PHTF2: variants seen among roughly 807,000 people sequenced by gnomAD.
PHTF2 encodes the protein protein PHTF2.
A neutral mutation model predicts 101.2 loss-of-function variants in PHTF2; 60 were observed. The ratio of observed to expected loss-of-function variants is 0.59; its 90% CI spans 0.48 to 0.73. PHTF2 has a LOEUF of 0.73. PHTF2 is among the 30% of genes least tolerant of loss of function. The pLI is 0.00. For missense variants in PHTF2, 747 were observed against 908.7 expected, an observed-to-expected ratio of 0.82 and a Z score of 2.29; for synonymous variants, 311 against 307.3, an observed-to-expected ratio of 1.01 and a Z score of -0.13.
At chr7:77,936,730 A>G (rs1805174701) in intron 12 of PHTF2, among the ~76,000 whole-genome samples, 1 of 129,466 alleles carries the variant, frequency 7.7e-6, no homozygotes, top group African/African-American at 3.4e-5. Flanking sequence ...AAATACTGCA[A>G]TATAAACAAG....
chr7:77,907,763 G>A (rs984929494), intron 7 of PHTF2: 1 of 152,146 alleles, frequency 6.6e-6, no homozygotes, highest in African/African-American at 2.4e-5. Context: ...ATCAATATAT[G>A]TCTCTTCAAA....
rs537285969 is a variant in PHTF2 at position 77,955,058 on chromosome 7, A to C, written c.*180A>C. On this transcript the variant is annotated 3_prime_UTR_variant, in exon 20 of 20. Transcript: ENST00000416283. ...TACTGGTTCACTTTTTTTTACATTT[A>C]TTTTAGTCTTTATATTTTTATTTTT... 11 of 361,058 alleles carry C rather than the reference A, an allele frequency of 3.0e-5. No homozygotes were observed. The South Asian group carries it at 1.4e-3, about 46-fold the overall frequency. 22.4% of individuals were successfully genotyped at this position (361,058 alleles called of 1,614,324 possible). A position where few individuals can be genotyped will look rare whatever the true frequency, so the allele number is the denominator to read the frequency against.
rs537244713 is a variant in PHTF2 at position 77,821,713 on chromosome 7, G to A, written c.-35-18508G>A. ...TGGGAATGAATCTGTCTACCGGGGG[G>A]GCCCACAGGACTTTCTCAGGTTTGG... is the stretch of plus-strand genomic sequence containing the variant. On this transcript the variant is annotated intron_variant, in intron 1 of 19. Coordinates refer to ENST00000416283, the Ensembl canonical transcript of PHTF2. 7.9e-5 allele frequency among the ~76,000 whole-genome samples: 12 copies of A among 152,002 alleles called. No homozygotes were observed. The South Asian group carries it at 1.5e-3, about 18-fold the overall frequency.
intron 11 of PHTF2, among the ~76,000 whole-genome samples, chr7:77,925,957 G>A (rs1158879052): frequency 6.6e-6 from 1 of 151,964 alleles, no homozygotes; most frequent in African/African-American, 2.4e-5. Flanking sequence ...TTGGGAGGCT[G>A]TGGCAGGAGA....
At chr7:77,837,037 G>A (rs1019220819) in intron 1 of PHTF2, among the ~76,000 whole-genome samples, 33 of 151,550 alleles carry the variant, frequency 2.2e-4, no homozygotes, top group African/African-American at 7.5e-4. Context: ...TCTATGTCAA[G>A]GATAGTGTTA....
chr7:77,801,106 G>C (rs1792508898), intron 1 of PHTF2, among the ~76,000 whole-genome samples: 1 of 152,184 alleles, frequency 6.6e-6, no homozygotes, highest in South Asian at 2.1e-4. Flanking sequence ...TGAAGATAAA[G>C]GGATGGAGTC....
intron 12 of PHTF2, among the ~76,000 whole-genome samples, chr7:77,930,540 T>A (rs1804471405): frequency 6.6e-6 from 1 of 152,034 alleles, no homozygotes; most frequent in Non-Finnish European, 1.5e-5. Context: ...CCAAGTAAAG[T>A]CAGAAAACTC....
intron 3 of PHTF2, among the ~76,000 whole-genome samples, chr7:77,884,469 T>C (rs1288280038): frequency 6.6e-6 from 1 of 152,310 alleles, no homozygotes; most frequent in East Asian, 1.9e-4. Context: ...CTCCCACTTA[T>C]AAGTGAGAAC....
At chr7:77,856,136 G>A (rs1797162813) in intron 3 of PHTF2, among the ~76,000 whole-genome samples, 1 of 152,072 alleles carries the variant, frequency 6.6e-6, no homozygotes, top group African/African-American at 2.4e-5. Context: ...TGCACACCCA[G>A]CTACTTACAA....
At chr7:77,837,013 G>T (rs1795528679) in intron 1 of PHTF2, among the ~76,000 whole-genome samples, 1 of 151,756 alleles carries the variant, frequency 6.6e-6, no homozygotes, top group Admixed American at 6.6e-5. Context: ...TTTTGTTAAG[G>T]TGTGACAATT....
chr7:77,855,621 T>C (rs779972810), intron 3 of PHTF2, among the ~76,000 whole-genome samples: 7 of 152,168 alleles, frequency 4.6e-5, no homozygotes, highest in Non-Finnish European at 8.8e-5. Context: ...GGCGGTAACC[T>C]GTGGTGGTAG....
intron 2 of PHTF2, among the ~76,000 whole-genome samples, chr7:77,850,231 C>T (rs1391966562): frequency 6.6e-6 from 1 of 150,420 alleles, no homozygotes; most frequent in African/African-American, 2.4e-5. Flanking sequence ...TGGTGGCATG[C>T]CCCTTTATTT....
intron 9 of PHTF2, among the ~76,000 whole-genome samples, chr7:77,917,834 A>G (rs1208929912): frequency 1.3e-5 from 2 of 152,214 alleles, no homozygotes; most frequent in South Asian, 2.1e-4. Context: ...TAATACTTAC[A>G]TTTAGCATTT....
At chr7:77,947,621 G>A (rs68029724) in intron 16 of PHTF2, among the ~76,000 whole-genome samples, 24,336 of 151,716 alleles carry the variant, frequency 0.16, 2,232 homozygotes, top group African/African-American at 0.25. Flanking sequence ...AGGTGGGAAG[G>A]CTCAATTTCA....
intron 3 of PHTF2, among the ~76,000 whole-genome samples, chr7:77,855,901 C>T (rs546447089): frequency 2.0e-5 from 3 of 152,284 alleles, no homozygotes; most frequent in Admixed American, 2.0e-4. Flanking sequence ...CTTTCCTACC[C>T]TTTTCAGTGT....
chr7:77,932,065 C>T (rs986917957), intron 12 of PHTF2, among the ~76,000 whole-genome samples: 4 of 152,116 alleles, frequency 2.6e-5, no homozygotes, highest in African/African-American at 9.7e-5. Context: ...GGCGCTATTG[C>T]ACTCCAGCCT....
At chr7:77,845,000 A>G (rs1796166711) in intron 2 of PHTF2, among the ~76,000 whole-genome samples, 1 of 152,220 alleles carries the variant, frequency 6.6e-6, no homozygotes, top group Non-Finnish European at 1.5e-5. Flanking sequence ...TGCAACAAGA[A>G]TGACAACAGG....
chr7:77,852,765 A>G (rs1329688900), intron 2 of PHTF2, among the ~76,000 whole-genome samples: 1 of 152,222 alleles, frequency 6.6e-6, no homozygotes, highest in Non-Finnish European at 1.5e-5. Context: ...CTTGAAGGAC[A>G]GATCTGGTGT....
chr7:77,830,307 A>G (rs1221467970), intron 1 of PHTF2, among the ~76,000 whole-genome samples: 1 of 152,206 alleles, frequency 6.6e-6, no homozygotes, highest in East Asian at 1.9e-4. Flanking sequence ...TTTTTCCTGT[A>G]TATACATACT....
Sources: allele counts gnomAD v4.1 joint callset (sites outside exome capture counted in the v4.1 genomes callset), GRCh38; gene constraint gnomAD v4.1.1; transcripts MANE v1.5; gene names NCBI Gene and HGNC (gene_info 2026-07-23, HGNC 2026-07-21).